Variants in PTPRN2 observed in about 807,000 individuals in gnomAD.
The protein encoded by PTPRN2 is protein tyrosine phosphatase receptor type N2.
A neutral mutation model predicts 118.8 loss-of-function variants in PTPRN2; 74 were observed. The ratio of observed to expected loss-of-function variants is 0.62; its 90% confidence interval spans 0.52 to 0.76. PTPRN2 has a LOEUF of 0.76. Among genes scored for constraint, PTPRN2 ranks in the 30% least tolerant of loss-of-function variants. The pLI is 0.00. For missense variants in PTPRN2, 1,481 were observed against 1,394.4 expected, an observed-to-expected ratio of 1.06 and a Z score of -0.99; for synonymous variants, 641 against 608.0, an observed-to-expected ratio of 1.05 and a Z score of -0.80.
chr7:157,675,978 G>A (rs1253985940), intron 13 of PTPRN2, among the ~76,000 whole-genome samples: 2 of 152,278 alleles, frequency 1.3e-5, no homozygotes, highest in South Asian at 4.1e-4. Context: ...GAAACGGAGG[G>A]GGGTGAAAGC....
At chr7:158,139,145 G>A (rs1278653730) in intron 6 of PTPRN2, among the ~76,000 whole-genome samples, 1 of 152,184 alleles carries the variant, frequency 6.6e-6, no homozygotes, top group Non-Finnish European at 1.5e-5. Flanking sequence ...ACAGATGCAG[G>A]AGGAGGCAGA....
Position 157,872,974 on chromosome 7 carries a change from CTG to C in PTPRN2, c.1788+25697_1788+25698del, listed in dbSNP as rs776399012. On this transcript the variant is annotated intron_variant, in intron 12 of 22. Coordinates refer to ENST00000389418, the MANE Select transcript of PTPRN2 (RefSeq NM_002847.5). ...CTTGTCCTCTTCCTGGGACACTTTT[CTG>C]TCTGCACTAGAACTTGACAGAGGAA... 3.1e-4 allele frequency among the ~76,000 whole-genome samples: 48 copies of C among 152,382 alleles called. 1 individual carries two copies. The highest frequency in any genetic ancestry group is 3.4e-3 in the Middle Eastern group (1 of 294).
Position 157,566,111 on chromosome 7 carries a change from C to A in PTPRN2, c.2902+2791G>T, listed in dbSNP as rs140624810. ...CCCTGATGGGCTGTGTGGACAAGTG[C>A]TGCTCTGCTGTCTGCGGCCGCAGCT... On this transcript the variant is annotated intron_variant, in intron 21 of 22. Transcript: ENST00000389418. Among the ~76,000 whole-genome samples, 1,305 of 152,350 alleles carry A rather than the reference C, an allele frequency of 8.6e-3. 11 individuals carry two copies. Among genetic ancestry groups the A allele is most frequent in the Non-Finnish European group, 0.013 (865 of 68,036 alleles).
chr7:158,443,681 G>A (rs1817526967), intron 2 of PTPRN2, among the ~76,000 whole-genome samples: 4 of 152,096 alleles, frequency 2.6e-5, no homozygotes, highest in Non-Finnish European at 5.9e-5. Context: ...CCACCTGGGC[G>A]AGCCACCTCT....
Position 157,657,272 on chromosome 7 carries a change from CA to C in PTPRN2, c.2002-722del, listed in dbSNP as rs1795567126. Among the ~76,000 whole-genome samples the C allele has an allele frequency of 2.4e-4, 12 of 50,034 alleles. 1 individual carries two copies. The highest frequency in any genetic ancestry group is 3.5e-4 in the African/African-American group (4 of 11,436). The allele number at this position is 50,034 out of a possible 152,430, so 32.8% of individuals were successfully genotyped here. On this transcript the variant is annotated intron_variant, in intron 13 of 22. Transcript: ENST00000389418. ...ATCACACATATACACACACATACAC[CA>C]CACACACACCACACACATCACACAT...
chr7:158,213,611 A>G (rs1827765129), intron 3 of PTPRN2, among the ~76,000 whole-genome samples: 1 of 152,196 alleles, frequency 6.6e-6, no homozygotes, highest in Non-Finnish European at 1.5e-5. Context: ...AATCAAGTCT[A>G]TCCCATTTGC....
rs533414238 is a variant in PTPRN2 at position 158,055,355 on chromosome 7, G to A, written c.1723+25943C>T. On this transcript the variant is annotated intron_variant, in intron 11 of 22. Coordinates refer to ENST00000389418, the MANE Select transcript of PTPRN2 (RefSeq NM_002847.5). Reference sequence around the variant, plus strand: ...GAAGATGCCCGTTGCCAAGCGGACCGTGGTCAAGCGGTAGCGTCAGTGCCA... The same window carrying A: ...GAAGATGCCCGTTGCCAAGCGGACCATGGTCAAGCGGTAGCGTCAGTGCCA... Among the ~76,000 whole-genome samples the A allele has an allele frequency of 4.6e-5, 7 of 152,294 alleles. No homozygotes were observed. The South Asian group carries it at 8.3e-4, about 18-fold the overall frequency.
At chr7:158,523,238 G>T (rs1314728835) in intron 1 of PTPRN2, among the ~76,000 whole-genome samples, 1 of 152,174 alleles carries the variant, frequency 6.6e-6, no homozygotes, top group East Asian at 1.9e-4. Flanking sequence ...GGCGGGGGTG[G>T]TGGGTGAGCC....
chr7:157,722,785 A>G (rs1030222166), intron 12 of PTPRN2, among the ~76,000 whole-genome samples: 3 of 152,066 alleles, frequency 2.0e-5, no homozygotes, highest in Admixed American at 2.0e-4. Flanking sequence ...TCTGTCATCC[A>G]GAGAGGCAAG....
intron 12 of PTPRN2, among the ~76,000 whole-genome samples, chr7:157,727,581 T>C (rs552012833): frequency 1.1e-4 from 17 of 152,200 alleles, no homozygotes; most frequent in Admixed American, 5.9e-4. Flanking sequence ...TTTGGGATGA[T>C]GGAAGGTTCT....
chr7:158,125,829 T>C (rs2150406380), intron 9 of PTPRN2, among the ~76,000 whole-genome samples: 1 of 152,228 alleles, frequency 6.6e-6, no homozygotes, highest in Admixed American at 6.5e-5. Context: ...TCCTCAGGGT[T>C]TCCTTTACTC....
At chr7:158,543,120 T>C (rs1432091042) in intron 1 of PTPRN2, among the ~76,000 whole-genome samples, 1 of 152,266 alleles carries the variant, frequency 6.6e-6, no homozygotes, top group Non-Finnish European at 1.5e-5. Context: ...GGTCTTCTGC[T>C]TTAAAAAGGC....
At chr7:158,249,703 G>A (rs1796539146) in intron 3 of PTPRN2, among the ~76,000 whole-genome samples, 1 of 152,178 alleles carries the variant, frequency 6.6e-6, no homozygotes, top group East Asian at 1.9e-4. Context: ...GAGGCTTTAG[G>A]ACCAGAAAAG....
At chr7:158,406,064 TG>T in intron 2 of PTPRN2, among the ~76,000 whole-genome samples, 1 of 113,936 alleles carries the variant, frequency 8.8e-6, no homozygotes, top group Non-Finnish European at 1.8e-5. Flanking sequence ...GGCCGCACAC[TG>T]AGATCCCGCA....
At chr7:157,704,264 AGCTCTTGGCTGTAAGG>A (rs1798218095) in intron 12 of PTPRN2, among the ~76,000 whole-genome samples, 1 of 152,058 alleles carries the variant, frequency 6.6e-6, no homozygotes, top group Admixed American at 6.6e-5. Flanking sequence ...TGATCCCGGG[AGCTCTTGGCTGTAAGG>A]TGCTCAGGAC....
Position 157,603,482 on chromosome 7 carries a change from C to T in PTPRN2, c.2418+520G>A, listed in dbSNP as rs1464398205. ...GACAGCCCGATCTCCACTGCACCTG[C>T]GTCTATCCCAGGGGGAGGAACAGCC... On this transcript the variant is annotated intron_variant, in intron 16 of 22. Transcript: ENST00000389418. The surrounding 1 kb of genome is among the most constrained non-coding windows in gnomAD (Gnocchi z 5.4). 2.0e-5 allele frequency among the ~76,000 whole-genome samples: 3 copies of T among 152,342 alleles called. No individual in the cohort carries two copies. Among genetic ancestry groups the T allele is most frequent in the African/African-American group, 4.8e-5 (2 of 41,568 alleles).
intron 10 of PTPRN2, among the ~76,000 whole-genome samples, chr7:158,089,933 T>C: frequency 2.7e-5 from 1 of 36,474 alleles, no homozygotes; most frequent in African/African-American, 5.2e-5. Flanking sequence ...AAAGAGGGAG[T>C]CTTCACACAA....
chr7:158,108,214 G>C (rs937183300), intron 10 of PTPRN2, among the ~76,000 whole-genome samples: 6 of 151,236 alleles, frequency 4.0e-5, no homozygotes, highest in Admixed American at 3.3e-4. Flanking sequence ...CCTCTCACCT[G>C]GATCTCTACA....
intron 12 of PTPRN2, among the ~76,000 whole-genome samples, chr7:157,873,568 CGT>C (rs1172607925): frequency 7.4e-6 from 1 of 134,374 alleles, no homozygotes; most frequent in African/African-American, 3.1e-5. Flanking sequence ...GGGAGGAGAA[CGT>C]ACTGTCCTCA....
Sources: allele counts gnomAD v4.1 joint callset (sites outside exome capture counted in the v4.1 genomes callset), GRCh38; gene constraint gnomAD v4.1.1; non-coding constraint Gnocchi (gnomAD v3.1); transcripts MANE v1.5; gene names NCBI Gene and HGNC (gene_info 2026-07-23, HGNC 2026-07-21).